Variants in HDX observed in about 807,000 individuals in gnomAD.
The protein encoded by HDX is highly divergent homeobox.
HDX carries 19 observed loss-of-function variants against 45.2 expected under a neutral mutation model. The ratio of observed to expected loss-of-function variants is 0.42; its 90% CI spans 0.29 to 0.62. The LOEUF is 0.62. Ranked by LOEUF, HDX falls within the 20% of genes least tolerant of loss-of-function variation. The probability of loss-of-function intolerance (pLI) is 0.20; values close to 1 mark genes in which losing one functional copy is unlikely to be tolerated. For missense variants in HDX, 532 were observed against 493.9 expected (o/e 1.08, Z -0.73); for synonymous variants, 188 against 172.8 (o/e 1.09, Z -0.69).
At chrX:84,459,778 T>A (rs185242558) in intron 4 of HDX, among the ~76,000 whole-genome samples, 3 of 110,118 alleles carry the variant, frequency 2.7e-5, no homozygotes, top group Admixed American at 9.6e-5. Context: ...TATAAGAAAA[T>A]TGACAAACCT....
intron 4 of HDX, among the ~76,000 whole-genome samples, chrX:84,449,883 C>T (rs2039957384): frequency 9.1e-6 from 1 of 110,457 alleles, no homozygotes; most frequent in Non-Finnish European, 1.9e-5. Flanking sequence ...CACATGTTCT[C>T]ACTCACAGGT....
chrX:84,413,820 A>G (rs150323233), intron 5 of HDX, among the ~76,000 whole-genome samples: 199 of 111,630 alleles, frequency 1.8e-3, no homozygotes, highest in African/African-American at 6.2e-3. Flanking sequence ...AAATAACATA[A>G]ATTTGTTATT....
In HDX at chrX:84,318,401, A is replaced by G. The variant is rs755276053; in HGVS notation, c.*3488T>C. ...TTGCATGTTTAAGATCTGAATGAAA[A>G]TCTAATATATTAAAAAAGTAGACAA... On this transcript the variant is annotated 3_prime_UTR_variant, in exon 11 of 11. Coordinates refer to ENST00000373177, the MANE Select transcript of HDX (RefSeq NM_001177479.2). 3.6e-5 allele frequency: 4 copies of G among 111,319 alleles called. No individual in the cohort carries two copies. Among genetic ancestry groups the G allele is most frequent in the Non-Finnish European group, 5.7e-5 (3 of 52,616 alleles). 9.2% of individuals were successfully genotyped at this position (111,319 alleles called of 1,213,427 possible).
intron 7 of HDX, among the ~76,000 whole-genome samples, chrX:84,343,909 G>A (rs771411792): frequency 3.3e-4 from 36 of 110,704 alleles, no homozygotes; most frequent in African/African-American, 1.0e-3. Flanking sequence ...GGTATTTGTC[G>A]CATTATGCCA....
chrX:84,413,027 T>C (rs1448955744), intron 5 of HDX, among the ~76,000 whole-genome samples: 3 of 111,773 alleles, frequency 2.7e-5, no homozygotes, highest in Non-Finnish European at 5.6e-5. Flanking sequence ...AAAATGGTCA[T>C]TTTGTCTTTC....
At chrX:84,385,606 C>A (rs990350714) in intron 5 of HDX, among the ~76,000 whole-genome samples, 1 of 110,201 alleles carries the variant, frequency 9.1e-6, no homozygotes, top group Non-Finnish European at 1.9e-5. Flanking sequence ...ATTTTACTTT[C>A]TTTCTGGGAT....
At chrX:84,426,811 TAAC>T (rs1458678316) in intron 5 of HDX, among the ~76,000 whole-genome samples, 1 of 111,024 alleles carries the variant, frequency 9.0e-6, no homozygotes, top group Non-Finnish European at 1.9e-5. Context: ...CTCCCCAAAA[TAAC>T]AAATAGTAAC....
chrX:84,406,040 C>T (rs2038811778), intron 5 of HDX, among the ~76,000 whole-genome samples: 1 of 110,637 alleles, frequency 9.0e-6, no homozygotes, highest in African/African-American at 3.3e-5. Context: ...ATTTACCAAA[C>T]ACAATATGTG....
intron 5 of HDX, among the ~76,000 whole-genome samples, chrX:84,373,873 A>G (rs1380025700): frequency 1.8e-5 from 2 of 109,733 alleles, no homozygotes; most frequent in African/African-American, 6.6e-5. Context: ...CTCTCTCACC[A>G]CTCCTATTCA....
At chrX:84,494,096 T>C (rs2040950600) in intron 1 of HDX, among the ~76,000 whole-genome samples, 1 of 111,804 alleles carries the variant, frequency 8.9e-6, no homozygotes, top group Admixed American at 9.5e-5. Context: ...AAATAGGGAC[T>C]CAACTGAATG....
chrX:84,444,589 CT>C (rs2039833596), intron 4 of HDX, among the ~76,000 whole-genome samples: 1 of 110,721 alleles, frequency 9.0e-6, no homozygotes, highest in Admixed American at 9.6e-5. Context: ...CCCAGAGTGC[CT>C]GGTCTGCTGG....
At chrX:84,443,886 G>A (rs1172300707) in intron 4 of HDX, among the ~76,000 whole-genome samples, 2 of 111,719 alleles carry the variant, frequency 1.8e-5, no homozygotes, top group Non-Finnish European at 3.8e-5. Context: ...CTGTTTTAGA[G>A]TGCTACAGGA....
chrX:84,459,045 C>G (rs983573418), intron 4 of HDX, among the ~76,000 whole-genome samples: 1 of 111,704 alleles, frequency 9.0e-6, no homozygotes, highest in Non-Finnish European at 1.9e-5. Flanking sequence ...CCTCTGGTCA[C>G]AATGGAATAA....
chrX:84,501,382 G>A (rs753919930), intron 1 of HDX: 25 of 111,458 alleles, frequency 2.2e-4, no homozygotes, highest in African/African-American at 7.2e-4. Flanking sequence ...ATATTTATAA[G>A]AGATTGTCCC....
chrX:84,336,537 A>T (rs972005749), intron 8 of HDX, among the ~76,000 whole-genome samples: 1 of 111,596 alleles, frequency 9.0e-6, no homozygotes, highest in Non-Finnish European at 1.9e-5. Context: ...ATAGCTTGTT[A>T]TATGTAAAAT....
intron 5 of HDX, among the ~76,000 whole-genome samples, chrX:84,412,289 G>A (rs1340227034): frequency 5.4e-5 from 6 of 110,652 alleles, no homozygotes; most frequent in Admixed American, 1.9e-4. Flanking sequence ...TTTTGTGATG[G>A]CCAGTAATGG....
At chrX:84,473,352 AG>A (rs1285420105) in intron 3 of HDX, among the ~76,000 whole-genome samples, 2 of 63,199 alleles carry the variant, frequency 3.2e-5, no homozygotes, top group Non-Finnish European at 2.7e-5. Context: ...GTATCTGGGG[AG>A]GGGGGTGGGG....
At chrX:84,501,358 G>A (rs748164719) in intron 1 of HDX, 3 of 111,248 alleles carry the variant, frequency 2.7e-5, no homozygotes, top group African/African-American at 9.8e-5. Flanking sequence ...CACCAAACTT[G>A]ATATGGAGAC....
At chrX:84,456,438 A>G (rs963942511) in intron 4 of HDX, among the ~76,000 whole-genome samples, 1 of 111,317 alleles carries the variant, frequency 9.0e-6, no homozygotes, top group Non-Finnish European at 1.9e-5. Context: ...AATTTCCTTC[A>G]ATAAAAGGAA....
Sources: allele counts gnomAD v4.1 joint callset (sites outside exome capture counted in the v4.1 genomes callset), GRCh38; gene constraint gnomAD v4.1.1; transcripts MANE v1.5; gene names NCBI Gene and HGNC (gene_info 2026-07-23, HGNC 2026-07-21).